KCNMB3: variants seen among roughly 807,000 people sequenced by gnomAD.
The protein encoded by KCNMB3 is potassium calcium-activated channel subfamily M regulatory beta subunit 3.
Under a neutral mutation model 11.9 loss-of-function variants are expected in KCNMB3, and 18 were observed. That is an observed-to-expected ratio of 1.51 (90% CI 1.04 to 2.23). KCNMB3 has a LOEUF of 2.23. KCNMB3 is among the 30% of genes most tolerant of loss of function. KCNMB3 has a pLI of 0.00. For synonymous variants in KCNMB3, 78 were observed against 119.2 expected (o/e 0.65, Z 2.25); for missense variants, 247 against 329.4 (o/e 0.75, Z 1.94).
chr3:179,252,982 G>A (rs190200808), upstream of KCNMB3, among the ~76,000 whole-genome samples: 32 of 152,036 alleles, frequency 2.1e-4, no homozygotes, highest in African/African-American at 6.5e-4. Context: ...CACCCACCTC[G>A]GCCTCCCAAA....
intron 1 of KCNMB3, chr3:179,259,850 C>T: frequency 5.0e-6 from 8 of 1,612,408 alleles, no homozygotes; most frequent in Non-Finnish European, 6.8e-6. Context: ...GACCTGTCGC[C>T]TCCTGACCCT....
chr3:179,248,203 C>A (rs1331953649), intron 1 of KCNMB3, among the ~76,000 whole-genome samples: 4 of 152,136 alleles, frequency 2.6e-5, no homozygotes, highest in Non-Finnish European at 5.9e-5. Context: ...AGTTACTTGG[C>A]CTTTCTGAGC....
chr3:179,257,895 TGTG>T lies in KCNMB3; in HGVS notation c.63-6964_63-6962del, dbSNP rs1432076922. Among the ~76,000 whole-genome samples the T allele has an allele frequency of 1.2e-3, 56 of 46,868 alleles. No individual in the cohort carries two copies. In the East Asian group the frequency reaches 0.16, roughly 135 times the overall value. 30.7% of individuals were successfully genotyped at this position (46,868 alleles called of 152,430 possible). On this transcript the variant is annotated intron_variant, in intron 1 of 3. Coordinates refer to the KCNMB3 transcript ENST00000349697. The stretch of plus-strand genomic sequence containing the variant: ...TTTTGTGTGTGTGTGTGTGTGTGTG[TGTG>T]TTTTTTAGACAGAGTTTCGCTCGTT...
intron 1 of KCNMB3, among the ~76,000 whole-genome samples, chr3:179,246,607 A>C (rs1417340127): frequency 6.6e-6 from 1 of 152,226 alleles, no homozygotes; most frequent in Non-Finnish European, 1.5e-5. Context: ...AATACTGGGC[A>C]AGTGAAAATA....
Position 179,250,397 on chromosome 3 carries a change from C to A in KCNMB3, c.248+346G>T, listed in dbSNP as rs565536430. On this transcript the variant is annotated intron_variant, in intron 1 of 2. Transcript: ENST00000392685. ...TCAGACTCAAAAAACTTTTATTGTG[C>A]TCACATACAAGGTTTAACTCTCTCT... 2.0e-5 allele frequency among the ~76,000 whole-genome samples: 3 copies of A among 152,308 alleles called. No homozygotes were observed. The East Asian group carries it at 5.8e-4, about 29-fold the overall frequency.
Position 179,250,877 on chromosome 3 carries a change from T to G in KCNMB3, c.114A>C (p.Pro38=). The change falls in exon 1 of 3, where the codon CCA becomes CCC. Residue 38 remains proline, a synonymous_variant. Coordinates refer to ENST00000392685, the MANE Select transcript of KCNMB3 (RefSeq NM_171830.2). ...ATGGCAGCCTCTTGTGCACATCTAG[T>G]GGGTCTCCATCACTGTAGTCTGTCT... ...KRETDYSDGD[P]LDVHKRLPSS... is the part of the protein sequence containing the mutation. The G allele has an allele frequency of 6.2e-7, 1 of 1,614,098 alleles. No homozygotes were observed. Among genetic ancestry groups the G allele is most frequent in the Non-Finnish European group, 8.5e-7 (1 of 1,180,014 alleles).
At chr3:179,266,500 G>C in intron 1 of KCNMB3, 1 of 839,258 alleles carries the variant, frequency 1.2e-6, no homozygotes, top group Non-Finnish European at 1.9e-6. Flanking sequence ...TACTGGGGAA[G>C]CCTGCTGGGT....
chr3:179,247,081 T>C (rs981092637), intron 1 of KCNMB3, among the ~76,000 whole-genome samples: 1 of 152,098 alleles, frequency 6.6e-6, no homozygotes, highest in African/African-American at 2.4e-5. Flanking sequence ...TGGCACAAGA[T>C]GTAAGGCAAG....
downstream of KCNMB3, chr3:179,240,139 C>T: frequency 3.2e-6 from 3 of 938,452 alleles, no homozygotes; most frequent in Middle Eastern, 2.2e-4. Flanking sequence ...AAGCAAAAAA[C>T]TGTGATAATT....
Position 179,259,154 on chromosome 3 carries a change from T to G in KCNMB3, c.62+7495A>C, listed in dbSNP as rs1726119004. The G allele has an allele frequency of 2.6e-6, 4 of 1,568,332 alleles. No individual in the cohort carries two copies. The African/African-American group carries it at 5.4e-5, about 21-fold the overall frequency. Reference sequence around the variant, plus strand: ...CATGGTTTTTTAGGCTATTGCTGTCTAAAGCTTTCCTGATGGTCTGACTTG... The same window carrying G: ...CATGGTTTTTTAGGCTATTGCTGTCGAAAGCTTTCCTGATGGTCTGACTTG... On this transcript the variant is annotated intron_variant, in intron 1 of 3. Transcript: ENST00000349697.
chr3:179,259,094 G>T, intron 1 of KCNMB3: 3 of 1,598,550 alleles, frequency 1.9e-6, no homozygotes, highest in Non-Finnish European at 8.5e-7. Context: ...TTTCTGGATT[G>T]AAGTCCCCCG....
chr3:179,253,821 T>C (rs1390462646), upstream of KCNMB3, among the ~76,000 whole-genome samples: 1 of 151,736 alleles, frequency 6.6e-6, no homozygotes. Context: ...AAAAAGTAAA[T>C]AAATAAATTT....
intron 1 of KCNMB3, among the ~76,000 whole-genome samples, chr3:179,257,057 A>T (rs767124280): frequency 6.6e-6 from 1 of 152,162 alleles, no homozygotes; most frequent in Non-Finnish European, 1.5e-5. Context: ...CTAGCTACTC[A>T]GGAGGCTGAG....
At chr3:179,266,826 C>A in exon 1 of KCNMB3, 1 of 1,467,314 alleles carries the variant, frequency 6.8e-7, no homozygotes, top group Non-Finnish European at 9.0e-7. Flanking sequence ...GCCCCCAGCC[C>A]CCAGCGCAGC....
At chr3:179,241,189 C>A (rs539304076), downstream of KCNMB3, 1 of 152,012 alleles carries the variant, frequency 6.6e-6, no homozygotes, top group East Asian at 1.9e-4. Context: ...CTACTAGATG[C>A]TAGAAGCTAA....
intron 1 of KCNMB3, among the ~76,000 whole-genome samples, chr3:179,258,533 C>A (rs1364667181): frequency 6.6e-6 from 1 of 152,288 alleles, no homozygotes; most frequent in African/African-American, 2.4e-5. Context: ...AAATACCATA[C>A]AGGTTATAAT....
rs766653783 is a variant in KCNMB3, at chr3:179,243,031, G to A, written c.701C>T (p.Ser234Phe). 8 of 1,599,454 alleles carry A rather than the reference G, an allele frequency of 5.0e-6. 1 individual carries two copies. In the South Asian group the frequency reaches 5.7e-5, roughly 11 times the overall value. The change falls in exon 3 of 3, where the codon TCC becomes TTC. Residue 234 changes from serine (S) to phenylalanine (F), a missense_variant. Coordinates refer to ENST00000392685, the MANE Select transcript of KCNMB3 (RefSeq NM_171830.2). The part of the protein sequence containing the change: ...VGMVRLTQHL[S>F]LLCEKYSTVV... ...AGTGCTATATTTTTCACACAGTAAG[G>A]ACAGGTGTTGTGTTAATCTCACCAT...
chr3:179,256,396 A>T (rs1435916347), upstream of KCNMB3, among the ~76,000 whole-genome samples: 1 of 152,128 alleles, frequency 6.6e-6, no homozygotes, highest in Non-Finnish European at 1.5e-5. Flanking sequence ...AGATCACACC[A>T]CTGCACTCCA....
Position 179,250,922 on chromosome 3 carries a change from A to C in KCNMB3, c.69T>G (p.Pro23=), listed in dbSNP as rs952318617. 5 of 1,614,054 alleles carry C rather than the reference A, an allele frequency of 3.1e-6. No individual in the cohort carries two copies. The highest frequency in any genetic ancestry group is 4.2e-6 in the Non-Finnish European group (5 of 1,180,044). The change falls in exon 1 of 3, where the codon CCT becomes CCG. Residue 23 remains proline (P), a synonymous_variant. Coordinates refer to ENST00000392685, the MANE Select transcript of KCNMB3 (RefSeq NM_171830.2). ...CTGTCTCTCTCTTCTTCCCTGAGGCAGGAAAGGCTGTCCTTTGGGGAAAGG... is the reference window on the plus strand; with the variant it reads ...CTGTCTCTCTCTTCTTCCCTGAGGCCGGAAAGGCTGTCCTTTGGGGAAAGG... ...PSPFPQRTAF[P]ASGKKRETDY...
Sources: allele counts gnomAD v4.1 joint callset (sites outside exome capture counted in the v4.1 genomes callset), GRCh38; gene constraint gnomAD v4.1.1; transcripts MANE v1.5; gene names NCBI Gene and HGNC (gene_info 2026-07-23, HGNC 2026-07-21).